STS: variants seen among roughly 807,000 people sequenced by gnomAD.
STS encodes steryl-sulfatase.
Under a neutral mutation model 26.8 loss-of-function variants are expected in STS, and 7 were observed. The ratio of observed to expected loss-of-function variants is 0.26; its 90% CI spans 0.15 to 0.49. The LOEUF (loss-of-function observed/expected upper bound fraction) is 0.49. Among genes scored for constraint, STS ranks in the 20% least tolerant of loss-of-function variants. STS has a pLI of 0.98. For missense variants in STS, 434 were observed against 465.6 expected (o/e 0.93, Z 0.63); for synonymous variants, 199 against 189.4 (o/e 1.05, Z -0.42).
At chrX:7,324,099 T>G (rs1316785943) in intron 8 of STS, among the ~76,000 whole-genome samples, 1 of 109,034 alleles carries the variant, frequency 9.2e-6, no homozygotes, top group Non-Finnish European at 1.9e-5. Context: ...TAGGGAGACA[T>G]ACAGCATTAG....
At chrX:7,207,482 T>C (rs1417836791) in intron 2 of STS, among the ~76,000 whole-genome samples, 2 of 111,901 alleles carry the variant, frequency 1.8e-5, no homozygotes, top group Non-Finnish European at 3.8e-5. Flanking sequence ...ATGAACACTT[T>C]TAGGCAGGGA....
chrX:7,287,958 A>G (rs1925216554), intron 7 of STS, among the ~76,000 whole-genome samples: 1 of 110,321 alleles, frequency 9.1e-6, no homozygotes, highest in Admixed American at 9.7e-5. Context: ...TTTTTCATCT[A>G]TCGGGTGAAA....
chrX:7,243,778 C>T (rs1922731953), intron 2 of STS, among the ~76,000 whole-genome samples: 1 of 111,460 alleles, frequency 9.0e-6, no homozygotes, highest in Non-Finnish European at 1.9e-5. Context: ...TTTTATGTTT[C>T]CCAGGCTGGG....
intron 8 of STS, among the ~76,000 whole-genome samples, chrX:7,317,237 T>G (rs1205794606): frequency 2.7e-5 from 3 of 111,505 alleles, no homozygotes; most frequent in Non-Finnish European, 1.9e-5. Flanking sequence ...CCATGGCTTT[T>G]TCTCTGCTCA....
intron 2 of STS, among the ~76,000 whole-genome samples, chrX:7,214,932 TATATATATATACATATATAC>T (rs1304409744): frequency 1.0e-5 from 1 of 97,105 alleles, no homozygotes; most frequent in African/African-American, 3.7e-5. Context: ...TGTGTGTGTG[TATATATATATACATATATAC>T]GTATATATAT....
At chrX:7,199,672 T>TAAA (rs1175380202) in intron 2 of STS, among the ~76,000 whole-genome samples, 1 of 111,468 alleles carries the variant, frequency 9.0e-6, no homozygotes, top group Non-Finnish European at 1.9e-5. Flanking sequence ...GTCAACTTTA[T>TAAA]TTATTTCAAG....
intron 2 of STS, among the ~76,000 whole-genome samples, chrX:7,218,518 C>G (rs1257861875): frequency 8.9e-6 from 1 of 112,210 alleles, no homozygotes; most frequent in African/African-American, 3.2e-5. Context: ...CTTTTAACAT[C>G]TATGTAATGC....
At chrX:7,207,201 A>G (rs1213663880) in intron 2 of STS, among the ~76,000 whole-genome samples, 1 of 112,018 alleles carries the variant, frequency 8.9e-6, no homozygotes, top group African/African-American at 3.2e-5. Context: ...AAAAAAAAAA[A>G]TTACACTTAT....
chrX:7,205,033 CTGT>C (rs1337774817), intron 2 of STS, among the ~76,000 whole-genome samples: 1 of 111,926 alleles, frequency 8.9e-6, no homozygotes, highest in African/African-American at 3.3e-5. Flanking sequence ...CTTCTGTTGC[CTGT>C]TGTTGTACAC....
At chrX:7,331,025 C>T (rs1927718197) in intron 9 of STS, among the ~76,000 whole-genome samples, 1 of 111,266 alleles carries the variant, frequency 9.0e-6, no homozygotes, top group African/African-American at 3.3e-5. Flanking sequence ...TGTTAGTCTC[C>T]AAGACCTTAC....
chrX:7,305,224 C>T (rs1412426375), intron 8 of STS, 41 bp downstream of exon 8: 1 of 1,203,824 alleles, frequency 8.3e-7, no homozygotes, highest in East Asian at 3.0e-5. Context: ...CCTCTCAGCT[C>T]ATCCGCTGGT....
At chrX:7,323,049 C>T (rs1198618099) in intron 8 of STS, among the ~76,000 whole-genome samples, 2 of 111,607 alleles carry the variant, frequency 1.8e-5, no homozygotes, top group Non-Finnish European at 3.8e-5. Context: ...GCCTCTCTTG[C>T]AGGCACTGAG....
intron 2 of STS, among the ~76,000 whole-genome samples, chrX:7,217,348 C>T (rs1921350359): frequency 9.0e-6 from 1 of 111,526 alleles, no homozygotes; most frequent in African/African-American, 3.3e-5. Context: ...TTGAAGGTCC[C>T]CAGAGGTCAG....
chrX:7,349,784 C>T (rs756723496), intron 10 of STS, 104 bp from the exon 11 acceptor site: 1 of 1,100,652 alleles, frequency 9.1e-7, no homozygotes, highest in African/African-American at 1.8e-5. Context: ...ATATCTTCAC[C>T]TTCTTAAAGC....
At chrX:7,320,990 C>T (rs2147157590) in intron 8 of STS, among the ~76,000 whole-genome samples, 1 of 111,411 alleles carries the variant, frequency 9.0e-6, no homozygotes, top group African/African-American at 3.3e-5. Context: ...GAGCTTTTAA[C>T]TATTCACAAT....
At chrX:7,345,449 G>T (rs984141061) in intron 10 of STS, among the ~76,000 whole-genome samples, 1 of 111,466 alleles carries the variant, frequency 9.0e-6, no homozygotes, top group African/African-American at 3.3e-5. Context: ...ATGGGTCCAG[G>T]TGCTGGGGTG....
intron 2 of STS, among the ~76,000 whole-genome samples, chrX:7,252,019 T>C: frequency 9.0e-6 from 1 of 111,136 alleles, no homozygotes; most frequent in South Asian, 3.9e-4. Flanking sequence ...GTTCAATTTC[T>C]TTCACTTTAC....
chrX:7,308,434 G>A (rs1317835051), intron 8 of STS, among the ~76,000 whole-genome samples: 1 of 111,585 alleles, frequency 9.0e-6, no homozygotes, highest in Non-Finnish European at 1.9e-5. Context: ...CAATCCCGGG[G>A]AAGTTTCATG....
intron 5 of STS, among the ~76,000 whole-genome samples, chrX:7,258,499 A>T (rs1923560041): frequency 8.9e-6 from 1 of 111,894 alleles, no homozygotes; most frequent in Admixed American, 9.4e-5. Context: ...AAATTATGTC[A>T]GAATTTGTCT....
Sources: gnomAD v4.1 joint callset for allele counts (sites outside exome capture counted in the v4.1 genomes callset) on GRCh38, gnomAD v4.1.1 for gene constraint, MANE v1.5 for transcripts, NCBI Gene and HGNC (gene_info 2026-07-23, HGNC 2026-07-21) for gene names.